NOX4: variants seen among roughly 807,000 people sequenced by gnomAD.
The protein encoded by NOX4 is NADPH oxidase 4, also known as kidney oxidase-1.
NOX4 carries 69 observed loss-of-function variants against 87.6 expected under a neutral mutation model. The ratio of observed to expected loss-of-function variants is 0.79; its 90% CI spans 0.65 to 0.96. NOX4 has a LOEUF of 0.96. Among genes scored for constraint, NOX4 ranks in the 40% least tolerant of loss-of-function variants. The pLI is 0.00. For synonymous variants in NOX4, 275 were observed against 238.2 expected (o/e 1.15, Z -1.42); for missense variants, 680 against 681.5 (o/e 1.00, Z 0.02).
chr11:89,486,635 T>C (rs969622915), intron 2 of NOX4, among the ~76,000 whole-genome samples: 10 of 106,486 alleles, frequency 9.4e-5, no homozygotes, highest in African/African-American at 2.7e-4. Context: ...TATATATACA[T>C]ATATATGTGT....
rs1277426914 is a variant in NOX4, at chr11:89,416,525, T to C, written c.629+5377A>G. ...ATCCTCTAACAGTATATCCTTAATG[T>C]CCTCCTCCTGAGGCCCGAGGCCATA... On this transcript the variant is annotated intron_variant, in intron 8 of 17. Transcript: ENST00000263317. 2.0e-5 allele frequency among the ~76,000 whole-genome samples: 3 copies of C among 152,148 alleles called. No individual in the cohort carries two copies. The East Asian group carries it at 5.8e-4, about 29-fold the overall frequency.
At chr11:89,554,303 T>C in the NOX4 span, among the ~76,000 whole-genome samples, 1 of 152,120 alleles carries the variant, frequency 6.6e-6, no homozygotes, top group African/African-American at 2.4e-5. Flanking sequence ...AAATTCCACA[T>C]TTATCATAAA....
At chr11:89,455,979 T>C (rs1380087155) in intron 2 of NOX4, among the ~76,000 whole-genome samples, 1 of 151,900 alleles carries the variant, frequency 6.6e-6, no homozygotes, top group East Asian at 1.9e-4. Flanking sequence ...ACAGTACCCA[T>C]TAAAAGGAAT....
At chr11:89,534,396 A>G in the NOX4 span, among the ~76,000 whole-genome samples, 95 of 152,342 alleles carry the variant, frequency 6.2e-4, no homozygotes, top group African/African-American at 2.0e-3. Context: ...CCTGGTTGGC[A>G]TGATCTATAG....
chr11:89,373,957 T>TC (rs1239801574), intron 11 of NOX4, among the ~76,000 whole-genome samples: 1 of 152,018 alleles, frequency 6.6e-6, no homozygotes, highest in South Asian at 2.1e-4. Context: ...ACAATTATGC[T>TC]CCTACAGAAA....
the NOX4 span, among the ~76,000 whole-genome samples, chr11:89,513,599 T>C: frequency 6.6e-6 from 1 of 151,990 alleles, no homozygotes; most frequent in African/African-American, 2.4e-5. Flanking sequence ...GATTAAAAAC[T>C]CCTGTTTTTA....
chr11:89,365,723 C>T (rs1325903586), intron 12 of NOX4, among the ~76,000 whole-genome samples: 1 of 120,676 alleles, frequency 8.3e-6, no homozygotes, highest in African/African-American at 3.3e-5. Context: ...AAAAAACAGG[C>T]CATTTTATCC....
intron 6 of NOX4, among the ~76,000 whole-genome samples, chr11:89,436,828 T>A (rs1166415473): frequency 2.0e-5 from 3 of 152,138 alleles, no homozygotes; most frequent in Non-Finnish European, 4.4e-5. Context: ...AACATTTAAA[T>A]AATTCAATCT....
chr11:89,374,699 G>C (rs1466928094), intron 11 of NOX4, among the ~76,000 whole-genome samples: 3 of 152,120 alleles, frequency 2.0e-5, no homozygotes, highest in Non-Finnish European at 2.9e-5. Context: ...AAATGGGTGA[G>C]AGTTGCATAA....
intron 13 of NOX4, among the ~76,000 whole-genome samples, chr11:89,343,903 C>T (rs1295159510): frequency 2.6e-5 from 4 of 151,958 alleles, no homozygotes; most frequent in Non-Finnish European, 4.4e-5. Flanking sequence ...CCCTGACCCA[C>T]TCAAAAGTAT....
At chr11:89,435,249 C>T (rs1944020855) in intron 6 of NOX4, among the ~76,000 whole-genome samples, 1 of 152,036 alleles carries the variant, frequency 6.6e-6, no homozygotes, top group African/African-American at 2.4e-5. Flanking sequence ...CAGATGGCTA[C>T]ATAGTGTGAA....
At chr11:89,449,911 T>A (rs985329851) in intron 3 of NOX4, among the ~76,000 whole-genome samples, 1 of 152,176 alleles carries the variant, frequency 6.6e-6, no homozygotes, top group African/African-American at 2.4e-5. Flanking sequence ...CTCTGATCAT[T>A]TTGCATATTT....
the NOX4 span, among the ~76,000 whole-genome samples, chr11:89,514,720 C>T: frequency 6.6e-6 from 1 of 151,800 alleles, no homozygotes; most frequent in Non-Finnish European, 1.5e-5. Flanking sequence ...TTCTGTGTCT[C>T]CTATGATGAT....
chr11:89,375,227 T>C (rs1939749340), intron 11 of NOX4, among the ~76,000 whole-genome samples: 1 of 152,202 alleles, frequency 6.6e-6, no homozygotes, highest in African/African-American at 2.4e-5. Context: ...AATAACATTG[T>C]TTAAATATTT....
chr11:89,413,912 T>A (rs1361151104), intron 8 of NOX4, among the ~76,000 whole-genome samples: 1 of 152,068 alleles, frequency 6.6e-6, no homozygotes, highest in Non-Finnish European at 1.5e-5. Flanking sequence ...TACTATGTAT[T>A]CATAAAAATT....
upstream of NOX4, among the ~76,000 whole-genome samples, chr11:89,493,002 C>G (rs1565357271): frequency 6.6e-6 from 1 of 152,170 alleles, no homozygotes; most frequent in East Asian, 1.9e-4. Flanking sequence ...CTACTAAGTC[C>G]CAGGCTCTGT....
the NOX4 span, among the ~76,000 whole-genome samples, chr11:89,567,309 C>T: frequency 6.6e-6 from 1 of 152,156 alleles, no homozygotes; most frequent in Non-Finnish European, 1.5e-5. Context: ...GGATGACATG[C>T]ACCTGCCAGC....
intron 2 of NOX4, among the ~76,000 whole-genome samples, chr11:89,486,448 C>T (rs185528156): frequency 8.8e-4 from 130 of 147,398 alleles, no homozygotes; most frequent in African/African-American, 2.8e-3. Context: ...CATGTGCCAC[C>T]ACGCCCAGCT....
chr11:89,354,501 T>C (rs1937843847), intron 13 of NOX4, among the ~76,000 whole-genome samples: 1 of 152,138 alleles, frequency 6.6e-6, no homozygotes, highest in African/African-American at 2.4e-5. Flanking sequence ...AATAAGAATA[T>C]GTAGAGATTG....
Sources: allele counts gnomAD v4.1 joint callset (sites outside exome capture counted in the v4.1 genomes callset), GRCh38; gene constraint gnomAD v4.1.1; transcripts MANE v1.5; gene names NCBI Gene and HGNC (gene_info 2026-07-23, HGNC 2026-07-21).